Variants in NUMA1 observed in about 807,000 individuals in gnomAD.
NUMA1 encodes nuclear mitotic apparatus protein 1, also known as SP-H antigen.
A neutral mutation model predicts 237.1 loss-of-function variants in NUMA1; 62 were observed. The ratio of observed to expected loss-of-function variants is 0.26; its 90% CI spans 0.21 to 0.32. The LOEUF (loss-of-function observed/expected upper bound fraction) is 0.32. NUMA1 is among the 10% of genes least tolerant of loss of function. The pLI, the probability that NUMA1 is intolerant of heterozygous loss-of-function variation, is 1.00. For synonymous variants in NUMA1, 1,028 were observed against 1,066.1 expected (o/e 0.96, Z 0.70); for missense variants, 2,533 against 2,666.5 (o/e 0.95, Z 1.10).
chr11:72,014,202 G>A lies in NUMA1; in HGVS notation c.3301C>T (p.His1101Tyr), dbSNP rs2134975551. The change falls in exon 15 of 27, where the codon CAC (histidine) becomes TAC (tyrosine). Residue 1101 changes from histidine (H) to tyrosine (Y), a missense_variant. Around this residue, in one of 3 missense-constraint regions of NUMA1, gnomAD observed 1,414 missense variants for 1,508.1 expected, o/e 0.94. Transcript: ENST00000393695. This position sits in a 1 kb window ranked among gnomAD's most constrained non-coding sequence, Gnocchi z 4.6. ...KEQLAKKEKE[H>Y]ASGSGAQSEA... is the part of the protein sequence containing the mutation. ...GATTGGGCTCCTGAGCCAGATGCGT[G>A]CTCCTTTTCTTTCTTAGCCAGCTGT... 1.9e-6 allele frequency: 3 copies of A among 1,613,990 alleles called. No homozygotes were observed. The highest frequency in any genetic ancestry group is 1.3e-5 in the African/African-American group (1 of 75,056).
chr11:72,058,690 G>A (rs1378230580), intron 2 of NUMA1, among the ~76,000 whole-genome samples: 1 of 152,214 alleles, frequency 6.6e-6, no homozygotes, highest in Admixed American at 6.5e-5. Flanking sequence ...AGGGTCCAGT[G>A]TGATGACAGA....
chr11:72,022,570 C>T (rs1032968330), intron 6 of NUMA1, 151 bp from the exon 7 acceptor site: 1 of 520,468 alleles, frequency 1.9e-6, no homozygotes, highest in Non-Finnish European at 3.3e-6. Context: ...CTTAACAGCT[C>T]CAGGAAACAC....
intron 25 of NUMA1, 34 bp downstream of exon 25, chr11:72,004,191 G>A: frequency 6.2e-7 from 1 of 1,604,172 alleles, no homozygotes; most frequent in South Asian, 1.1e-5. Context: ...TCCCGCCAGG[G>A]CGTCGCTTCA....
intron 1 of NUMA1, among the ~76,000 whole-genome samples, chr11:72,073,068 A>T (rs948397811): frequency 6.9e-6 from 1 of 145,712 alleles, no homozygotes; most frequent in African/African-American, 2.6e-5. Context: ...AAAAAAAAAA[A>T]GCTGCCTAGG....
At chr11:72,071,365 T>G (rs967142132) in intron 1 of NUMA1, among the ~76,000 whole-genome samples, 4 of 152,206 alleles carry the variant, frequency 2.6e-5, no homozygotes, top group Admixed American at 6.5e-5. Flanking sequence ...TATTAATCTA[T>G]ATAGTTCTTC....
chr11:72,040,744 G>C (rs1426100260), intron 2 of NUMA1: 4 of 152,192 alleles, frequency 2.6e-5, no homozygotes, highest in Admixed American at 2.6e-4. Flanking sequence ...CCTTTGCTCT[G>C]AAAGGCGCCA....
At position 72,004,280 on chromosome 11, in the gene NUMA1, C is replaced by A; in HGVS notation, c.6068G>T (p.Arg2023Leu). 2 of 1,613,514 alleles carry A rather than the reference C, an allele frequency of 1.2e-6. No homozygotes were observed. The highest frequency in any genetic ancestry group is 1.3e-5 in the African/African-American group (1 of 74,974). The stretch of plus-strand genomic sequence containing the variant: ...CTGGGCCTCAGTAGTGCTCTGTTTG[C>A]GCCCTTCATGTCGGTCTCGGGGAGT... ...PMTPRDRHEGRKQSTTEAQKK... is the reference protein window; with the variant it reads ...PMTPRDRHEGLKQSTTEAQKK... The change falls in exon 25 of 27, where the codon CGC becomes CTC. Residue 2023 changes from arginine to leucine, a missense_variant. Arg to Leu is a moderately radical substitution (Grantham distance 102, BLOSUM62 -2). Coordinates refer to ENST00000393695, the MANE Select transcript of NUMA1 (RefSeq NM_006185.4).
chr11:72,015,549 C>T lies in NUMA1; in HGVS notation c.1954G>A (p.Val652Met). 1 of 1,613,592 alleles carries T rather than the reference C, an allele frequency of 6.2e-7. No individual in the cohort carries two copies. The highest frequency in any genetic ancestry group is 8.5e-7 in the Non-Finnish European group (1 of 1,180,038). The change falls in exon 15 of 27, where the codon GTG (valine) becomes ATG (methionine). Residue 652 changes from valine (V) to methionine (M), a missense_variant. Transcript: ENST00000393695. The surrounding 1 kb of genome is among the most constrained non-coding windows in gnomAD (Gnocchi z 4.0). ...QREKAELSRK[V>M]EELQACVETA... ...TCAACACAGGCCTGGAGTTCCTCCA[C>T]CTTCCGGCTCAGCTCTGCCTTCTCC...
At chr11:72,034,788 A>G (rs1352640365) in intron 3 of NUMA1, among the ~76,000 whole-genome samples, 1 of 151,914 alleles carries the variant, frequency 6.6e-6, no homozygotes, top group Non-Finnish European at 1.5e-5. Flanking sequence ...TATGCTGGGC[A>G]TGTGACTCTG....
chr11:72,066,338 C>T (rs922352101), intron 2 of NUMA1: 3 of 150,718 alleles, frequency 2.0e-5, no homozygotes, highest in Non-Finnish European at 4.4e-5. Context: ...ACCTAAATAA[C>T]ATAGATTGGG....
chr11:72,060,886 A>C (rs935688123), intron 2 of NUMA1, among the ~76,000 whole-genome samples: 3 of 152,034 alleles, frequency 2.0e-5, no homozygotes, highest in African/African-American at 7.2e-5. Flanking sequence ...CCTGGCCAAC[A>C]TGGTGAAACC....
At chr11:72,065,654 A>G (rs1227897067) in intron 2 of NUMA1, 1 of 152,226 alleles carries the variant, frequency 6.6e-6, no homozygotes, top group African/African-American at 2.4e-5. Context: ...GAATGAATAT[A>G]TACTATTTTT....
At chr11:72,066,885 T>C (rs1057451773) in intron 2 of NUMA1, 1 of 152,240 alleles carries the variant, frequency 6.6e-6, no homozygotes, top group African/African-American at 2.4e-5. Flanking sequence ...TGACAGCCAA[T>C]TGGCCCTTAT....
rs533818315 is a variant in NUMA1 at position 72,018,679 on chromosome 11, C to T, written c.742+144G>A. ...AGAGAAGATGGGGACAAAGACAGAACCTAGCTTCCAGGAGGTCAGCCTGAC... is the reference window on the plus strand; with the variant it reads ...AGAGAAGATGGGGACAAAGACAGAATCTAGCTTCCAGGAGGTCAGCCTGAC... On this transcript the variant is annotated intron_variant, in intron 10 of 26. Transcript: ENST00000393695. The T allele has an allele frequency of 9.4e-5, 107 of 1,137,540 alleles. 1 individual carries two copies. Among genetic ancestry groups the T allele is most frequent in the Non-Finnish European group, 1.3e-4 (100 of 797,336 alleles). 70.5% of individuals were successfully genotyped at this position (1,137,540 alleles called of 1,614,324 possible).
rs777680653 is a variant in NUMA1 at position 72,006,021 on chromosome 11, T to C, written c.5692+14A>G. The stretch of plus-strand genomic sequence containing the variant: ...CTAATTTTGGGGTATAGTAAGTCCC[T>C]GTAGTCCCCTCACCTGGAGGGGCCC... On this transcript the variant is annotated intron_variant, in intron 22 of 26. Transcript: ENST00000393695. 2 of 1,597,932 alleles carry C rather than the reference T, an allele frequency of 1.3e-6. No homozygotes were observed. The highest frequency in any genetic ancestry group is 1.7e-6 in the Non-Finnish European group (2 of 1,167,266).
Position 72,080,477 on chromosome 11 carries a change from C to G in NUMA1, c.-122G>C, listed in dbSNP as rs1944081125. 2 of 152,172 alleles carry G rather than the reference C, an allele frequency of 1.3e-5. No homozygotes were observed. The highest frequency in any genetic ancestry group is 1.3e-4 in the Admixed American group (2 of 15,284). The allele number at this position is 152,172 out of a possible 1,614,324, so 9.4% of individuals were successfully genotyped here. A position where few individuals can be genotyped will look rare whatever the true frequency, so the allele number is the denominator to read the frequency against. ...GGTTACCTGGCTGCGCGCTCCCGCT[C>G]TGCCTCGCGATTCTCCGGAATCGTA... On this transcript the variant is annotated 5_prime_UTR_variant, in exon 1 of 27. Transcript: ENST00000393695.
In NUMA1 at chr11:72,006,134, A is replaced by C; in HGVS notation, c.5593T>G (p.Tyr1865Asp). ...AAGCTGAGCAGGGCTGAGTTGCCAT[A>C]ATCGGGAGAACCCAGGCGAGCTAGA... ...QSLARLGSPD[Y>D]GNSALLSLPG... Residue 1865 changes from tyrosine to aspartate, a missense_variant, in exon 22 of 27, where the codon TAT (tyrosine) becomes GAT (aspartate). Transcript: ENST00000393695. The C allele has an allele frequency of 6.2e-7, 1 of 1,614,146 alleles. No homozygotes were observed. The highest frequency in any genetic ancestry group is 8.5e-7 in the Non-Finnish European group (1 of 1,180,020).
At position 72,016,086 on chromosome 11, in the gene NUMA1, T is replaced by A. The variant is rs764479225; in HGVS notation, c.1417A>T (p.Ser473Cys). 2 of 1,614,144 alleles carry A rather than the reference T, an allele frequency of 1.2e-6. No homozygotes were observed. The highest frequency in any genetic ancestry group is 1.7e-6 in the Non-Finnish European group (2 of 1,180,034). ...GCCTGGCTGAGGTTGGAGATGGAGC[T>A]CTGCAGGTCAGTGATCAGGCTAGAC... ...QLSSLITDLQ[S>C]SISNLSQAKE... The change falls in exon 15 of 27, where the codon AGC becomes TGC. Residue 473 changes from serine to cysteine, a missense_variant. This residue lies in a region of NUMA1 where 1,414 missense variants were observed against 1,508.1 expected (regional missense o/e 0.94). Transcript: ENST00000393695.
chr11:72,004,371 G>GT (rs1955523451), intron 24 of NUMA1, 30 bp from the exon 25 acceptor site: 1 of 1,581,516 alleles, frequency 6.3e-7, no homozygotes, highest in Admixed American at 1.7e-5. Flanking sequence ...TAGGCAGACA[G>GT]TAGCAAGAGG....
Sources: allele counts gnomAD v4.1 joint callset (sites outside exome capture counted in the v4.1 genomes callset), GRCh38; gene constraint gnomAD v4.1.1; regional missense constraint gnomAD v4.1.1; non-coding constraint Gnocchi (gnomAD v3.1); transcripts MANE v1.5; gene names NCBI Gene and HGNC (gene_info 2026-07-23, HGNC 2026-07-21).